PROCR: variants seen among roughly 807,000 people sequenced by gnomAD.
PROCR encodes the protein protein C receptor, also known as endothelial protein C receptor.
PROCR carries 22 observed loss-of-function variants against 24.2 expected under a neutral mutation model. That is an observed-to-expected ratio of 0.91 (90% confidence interval 0.65 to 1.30). The LOEUF is 1.30. Ranked by LOEUF, PROCR falls within the 50% of genes most tolerant of loss-of-function variation. PROCR has a pLI of 0.00. For synonymous variants in PROCR, 137 were observed against 139.2 expected, an observed-to-expected ratio of 0.98 and a Z score of 0.11; for missense variants, 288 against 307.7, an observed-to-expected ratio of 0.94 and a Z score of 0.48.
intron 1 of PROCR, among the ~76,000 whole-genome samples, chr20:35,213,176 C>CA (rs34730320): frequency 6.6e-6 from 1 of 152,046 alleles, no homozygotes. Flanking sequence ...ACAAAAAACA[C>CA]AAAAAAATTA....
At position 35,172,133 on chromosome 20, in the gene PROCR, G is replaced by C; in HGVS notation, c.-22G>C. The C allele has an allele frequency of 6.2e-7, 1 of 1,613,998 alleles. No homozygotes were observed. Reference sequence around the variant, plus strand: ...GCAGCCGGCCCGAGCCAGGAACCCAGGTCCGGAGCCTCAACTTCAGGATGT... The same window carrying C: ...GCAGCCGGCCCGAGCCAGGAACCCACGTCCGGAGCCTCAACTTCAGGATGT... On this transcript the variant is annotated 5_prime_UTR_variant, in exon 1 of 4. Transcript: ENST00000216968.
At position 35,176,182 on chromosome 20, in the gene PROCR, C is replaced by G; in HGVS notation, c.337C>G (p.Arg113Gly). ...TCTATCCACAGTTCCTCTGACCATC[C>G]GCTGCTTCCTGGGCTGTGAGCTGCC... Reference protein sequence around the residue: ...ERTLAFPLTIRCFLGCELPPE... With the variant: ...ERTLAFPLTIGCFLGCELPPE... Residue 113 changes from arginine to glycine, a missense_variant, in exon 3 of 4, where the codon CGC (arginine) becomes GGC (glycine). By Grantham distance (125) the Arg-to-Gly change is moderately radical (BLOSUM62 -2). Coordinates refer to ENST00000216968, the MANE Select transcript of PROCR (RefSeq NM_006404.5). The G allele has an allele frequency of 6.2e-7, 1 of 1,611,076 alleles. No homozygotes were observed. The highest frequency in any genetic ancestry group is 1.1e-5 in the South Asian group (1 of 89,920).
chr20:35,206,123 C>T (rs1273320214), intron 1 of PROCR, among the ~76,000 whole-genome samples: 1 of 151,694 alleles, frequency 6.6e-6, no homozygotes, highest in Non-Finnish European at 1.5e-5. Flanking sequence ...TCCTCCTGCT[C>T]AGCCTCCCAA....
intron 1 of PROCR, among the ~76,000 whole-genome samples, chr20:35,184,303 G>T (rs764370936): frequency 1.3e-5 from 2 of 152,154 alleles, no homozygotes; most frequent in Non-Finnish European, 2.9e-5. Flanking sequence ...TAAAAGTGGG[G>T]AAAGGACACC....
intron 1 of PROCR, among the ~76,000 whole-genome samples, chr20:35,212,949 C>T (rs2060367689): frequency 6.6e-6 from 1 of 152,182 alleles, no homozygotes; most frequent in African/African-American, 2.4e-5. Flanking sequence ...TATTTGCAGT[C>T]TGATAATGTT....
At chr20:35,193,723 C>T (rs1345437196) in intron 1 of PROCR, among the ~76,000 whole-genome samples, 1 of 152,152 alleles carries the variant, frequency 6.6e-6, no homozygotes, top group Non-Finnish European at 1.5e-5. Flanking sequence ...GTACATACTA[C>T]ATTTGATATT....
At chr20:35,171,340 G>A (rs1043393012), upstream of PROCR, among the ~76,000 whole-genome samples, 2 of 151,936 alleles carry the variant, frequency 1.3e-5, no homozygotes, top group Admixed American at 6.6e-5. Flanking sequence ...TCTTACTAAG[G>A]GTGACGCGCT....
At chr20:35,208,942 A>G (rs2060352074) in intron 1 of PROCR, among the ~76,000 whole-genome samples, 1 of 152,216 alleles carries the variant, frequency 6.6e-6, no homozygotes, top group Admixed American at 6.6e-5. Context: ...ACTGCACTCC[A>G]GCCTGGGTGA....
chr20:35,194,363 C>T (rs1323233037), intron 1 of PROCR, among the ~76,000 whole-genome samples: 1 of 152,096 alleles, frequency 6.6e-6, no homozygotes, highest in Non-Finnish European at 1.5e-5. Flanking sequence ...AAAGTTTTTT[C>T]TCTTAATAAG....
intron 1 of PROCR, among the ~76,000 whole-genome samples, chr20:35,211,382 G>C (rs188583417): frequency 6.6e-6 from 1 of 152,106 alleles, no homozygotes; most frequent in African/African-American, 2.4e-5. Context: ...AAAATTTTCA[G>C]GTCCAGGTAC....
chr20:35,185,538 T>C (rs754941773), intron 1 of PROCR, among the ~76,000 whole-genome samples: 6 of 152,232 alleles, frequency 3.9e-5, no homozygotes, highest in Non-Finnish European at 7.3e-5. Flanking sequence ...ATATATATGA[T>C]GGAGTACTAC....
intron 1 of PROCR, chr20:35,203,336 A>G (rs901601051): frequency 3.3e-5 from 5 of 152,216 alleles, no homozygotes; most frequent in Non-Finnish European, 7.3e-5. Flanking sequence ...CTCTACTAAA[A>G]ATACAAAATG....
chr20:35,175,578 C>CCTTTT (rs2086005872), intron 2 of PROCR, among the ~76,000 whole-genome samples: 7 of 27,942 alleles, frequency 2.5e-4, no homozygotes, highest in African/African-American at 5.3e-4. Flanking sequence ...CCCCACCCCC[C>CCTTTT]TTTTTTTTTT....
At chr20:35,197,552 G>A (rs1568598314) in intron 1 of PROCR, among the ~76,000 whole-genome samples, 1 of 152,008 alleles carries the variant, frequency 6.6e-6, no homozygotes. Context: ...GTCTGTGTGC[G>A]GTGGCTCATG....
intron 1 of PROCR, among the ~76,000 whole-genome samples, chr20:35,214,205 C>G (rs1214332900): frequency 1.3e-5 from 2 of 152,218 alleles, no homozygotes; most frequent in East Asian, 3.8e-4. Flanking sequence ...GGGTATCTGT[C>G]CCTATTTTAT....
At chr20:35,174,182 A>AG (rs2085981183) in intron 1 of PROCR, among the ~76,000 whole-genome samples, 1 of 152,076 alleles carries the variant, frequency 6.6e-6, no homozygotes, top group Admixed American at 6.6e-5. Context: ...AATGAAGGGG[A>AG]GGGGGTTATG....
intron 1 of PROCR, among the ~76,000 whole-genome samples, chr20:35,208,584 C>T (rs1401671185): frequency 1.3e-5 from 2 of 152,140 alleles, no homozygotes; most frequent in Non-Finnish European, 1.5e-5. Context: ...CTACCGTGAA[C>T]ATAGCAATAG....
rs71198708 is a variant in PROCR at position 35,214,907 on chromosome 20, C to CTT, written c.95-970_95-969dup. On this transcript the variant is annotated intron_variant, in intron 1 of 1. Coordinates refer to the PROCR transcript ENST00000634509. ...GGCCTTTACCTCCCATTTTCTTTTT[C>CTT]TTTTTTTTTTTTTTTTTGAGATGGA... Among the ~76,000 whole-genome samples the CTT allele has an allele frequency of 9.8e-3, 1,169 of 119,478 alleles. 22 individuals are homozygous for CTT. The highest frequency in any genetic ancestry group is 0.016 in the African/African-American group (510 of 31,064). 78.4% of individuals were successfully genotyped at this position (119,478 alleles called of 152,430 possible).
chr20:35,199,037 A>G (rs2060309340), intron 1 of PROCR, among the ~76,000 whole-genome samples: 1 of 152,142 alleles, frequency 6.6e-6, no homozygotes, highest in African/African-American at 2.4e-5. Flanking sequence ...TTTTATAGCT[A>G]AAGATAACTC....
Sources: allele counts gnomAD v4.1 joint callset (sites outside exome capture counted in the v4.1 genomes callset), GRCh38; gene constraint gnomAD v4.1.1; transcripts MANE v1.5; gene names NCBI Gene and HGNC (gene_info 2026-07-23, HGNC 2026-07-21).